Variants in BACH2 observed in about 807,000 individuals in gnomAD.
BACH2 encodes the protein transcription regulator protein BACH2.
Under a neutral mutation model 61.8 loss-of-function variants are expected in BACH2, and 5 were observed. The observed-to-expected ratio is 0.08, with a 90% confidence interval of 0.04 to 0.17. BACH2 has a LOEUF of 0.17. Ranked by LOEUF, BACH2 falls within the 10% of genes least tolerant of loss-of-function variation. The pLI, the probability that BACH2 is intolerant of heterozygous loss-of-function variation, is 1.00. For synonymous variants in BACH2, 446 were observed against 440.1 expected, an observed-to-expected ratio of 1.01 and a Z score of -0.17; for missense variants, 824 against 1,091.1, an observed-to-expected ratio of 0.76 and a Z score of 3.45.
Position 89,927,660 on chromosome 6 carries a change from G to A in BACH2, c.*4748C>T, listed in dbSNP as rs147748322. On this transcript the variant is annotated 3_prime_UTR_variant, in exon 9 of 9. Coordinates refer to ENST00000257749, the MANE Select transcript of BACH2 (RefSeq NM_021813.4). ...AAAGTTGGCCTCTGCAACCAAGTGGGTATTCTTCACAAAATGGCAGCATCG... is the reference window on the plus strand; with the variant it reads ...AAAGTTGGCCTCTGCAACCAAGTGGATATTCTTCACAAAATGGCAGCATCG... 446 of 152,876 alleles carry A rather than the reference G, an allele frequency of 2.9e-3. No homozygotes were observed. The highest frequency in any genetic ancestry group is 4.9e-3 in the Non-Finnish European group (333 of 68,026). The allele number at this position is 152,876 out of a possible 1,614,324, so 9.5% of individuals were successfully genotyped here. A position where few individuals can be genotyped will look rare whatever the true frequency, so the allele number is the denominator to read the frequency against.
chr6:90,103,601 T>C (rs1325447743), intron 4 of BACH2, among the ~76,000 whole-genome samples: 1 of 152,196 alleles, frequency 6.6e-6, no homozygotes, highest in African/African-American at 2.4e-5. Flanking sequence ...GCCCTAATAA[T>C]TGACGGCACT....
At chr6:90,039,434 G>A (rs1007061864) in intron 5 of BACH2, among the ~76,000 whole-genome samples, 14 of 152,110 alleles carry the variant, frequency 9.2e-5, no homozygotes, top group Non-Finnish European at 1.5e-4. Flanking sequence ...GCCCAGGCTG[G>A]AATGCAGAGG....
chr6:90,131,525 G>T (rs1035421467), intron 4 of BACH2, among the ~76,000 whole-genome samples: 1 of 152,120 alleles, frequency 6.6e-6, no homozygotes, highest in African/African-American at 2.4e-5. Flanking sequence ...AAATCTCAGC[G>T]AAAGCCTCTG....
intron 1 of BACH2, among the ~76,000 whole-genome samples, chr6:90,292,332 G>A (rs897352041): frequency 1.3e-5 from 2 of 152,252 alleles, no homozygotes; most frequent in Non-Finnish European, 2.9e-5. Context: ...CACATGGTGC[G>A]GATTCAGTAA....
intron 5 of BACH2, among the ~76,000 whole-genome samples, chr6:90,048,142 A>G (rs532471390): frequency 6.6e-6 from 1 of 151,864 alleles, no homozygotes; most frequent in South Asian, 2.1e-4. Flanking sequence ...TTATTTATAT[A>G]TTTAGAGACA....
intron 3 of BACH2, among the ~76,000 whole-genome samples, chr6:90,219,627 C>T (rs1183212707): frequency 3.3e-5 from 5 of 152,174 alleles, no homozygotes; most frequent in South Asian, 2.1e-4. Flanking sequence ...TTACCATCCG[C>T]GGAATCTGTA....
At chr6:89,972,009 G>C (rs1775388349) in intron 6 of BACH2, among the ~76,000 whole-genome samples, 1 of 152,206 alleles carries the variant, frequency 6.6e-6, no homozygotes, top group Non-Finnish European at 1.5e-5. Flanking sequence ...CCTGAGGGAG[G>C]ATTAGTTAGG....
chr6:90,054,886 A>T (rs1486625278), intron 5 of BACH2, among the ~76,000 whole-genome samples: 1 of 152,192 alleles, frequency 6.6e-6, no homozygotes, highest in African/African-American at 2.4e-5. Flanking sequence ...CCTCTAGCAA[A>T]CTCCAACAGA....
chr6:90,032,828 A>G (rs1582234992), intron 5 of BACH2, among the ~76,000 whole-genome samples: 1 of 152,150 alleles, frequency 6.6e-6, no homozygotes, highest in Non-Finnish European at 1.5e-5. Context: ...AACTAGAAAT[A>G]CTATTTGACC....
At chr6:90,148,660 G>T (rs1258014701) in intron 4 of BACH2, among the ~76,000 whole-genome samples, 1 of 152,004 alleles carries the variant, frequency 6.6e-6, no homozygotes, top group Non-Finnish European at 1.5e-5. Context: ...ACCAAAAAGT[G>T]GGAATGTAAT....
chr6:90,260,910 A>G (rs1771135588), intron 2 of BACH2, among the ~76,000 whole-genome samples: 2 of 152,162 alleles, frequency 1.3e-5, no homozygotes, highest in Admixed American at 1.3e-4. Context: ...TCTTGAGCCA[A>G]TTTGGCCCAC....
intron 5 of BACH2, among the ~76,000 whole-genome samples, chr6:90,026,200 G>A (rs1213512358): frequency 6.6e-6 from 1 of 152,148 alleles, no homozygotes; most frequent in African/African-American, 2.4e-5. Context: ...CTAAGACACA[G>A]CCTGAAAATT....
chr6:90,153,143 C>T (rs1437852620), intron 4 of BACH2, among the ~76,000 whole-genome samples: 1 of 152,076 alleles, frequency 6.6e-6, no homozygotes, highest in African/African-American at 2.4e-5. Flanking sequence ...GGAATTGGTT[C>T]TAATATTCTG....
intron 6 of BACH2, among the ~76,000 whole-genome samples, chr6:89,978,448 C>A (rs1295961218): frequency 6.6e-6 from 1 of 151,964 alleles, no homozygotes; most frequent in Non-Finnish European, 1.5e-5. Context: ...GGAATATCTC[C>A]CATTCATGCA....
chr6:90,151,010 G>C (rs988320614), intron 4 of BACH2, among the ~76,000 whole-genome samples: 3 of 152,136 alleles, frequency 2.0e-5, no homozygotes, highest in African/African-American at 7.2e-5. Flanking sequence ...ATAATTACAC[G>C]AGGCAGACAG....
At chr6:90,274,721 T>TG (rs1771639319) in intron 1 of BACH2, among the ~76,000 whole-genome samples, 1 of 152,174 alleles carries the variant, frequency 6.6e-6, no homozygotes, top group Admixed American at 6.5e-5. Context: ...AGGGAAAAAA[T>TG]CTTTAACTCG....
chr6:90,266,425 T>A (rs1283107085), intron 2 of BACH2, among the ~76,000 whole-genome samples: 1 of 152,172 alleles, frequency 6.6e-6, no homozygotes, highest in Non-Finnish European at 1.5e-5. Flanking sequence ...TCTTCCCTCA[T>A]GCCTCTCTAT....
intron 4 of BACH2, among the ~76,000 whole-genome samples, chr6:90,106,718 C>A (rs207260): frequency 0.058 from 8,847 of 152,190 alleles, 320 homozygotes; most frequent in Admixed American, 0.096. Flanking sequence ...AAGTGGGTGG[C>A]GCTGATTAAA....
intron 2 of BACH2, among the ~76,000 whole-genome samples, chr6:90,267,667 T>A (rs1771382169): frequency 6.6e-6 from 1 of 152,264 alleles, no homozygotes; most frequent in Admixed American, 6.5e-5. Context: ...TTGAATAAAC[T>A]ATGGTACAAC....
Sources: gnomAD v4.1 joint callset for allele counts (sites outside exome capture counted in the v4.1 genomes callset) on GRCh38, gnomAD v4.1.1 for gene constraint, MANE v1.5 for transcripts, NCBI Gene and HGNC (gene_info 2026-07-23, HGNC 2026-07-21) for gene names.